Variants in UBA6 observed in about 807,000 individuals in gnomAD.
UBA6 encodes the protein ubiquitin-like modifier-activating enzyme 6.
A neutral mutation model predicts 148.3 loss-of-function variants in UBA6; 87 were observed. That is an observed-to-expected ratio of 0.59 (90% CI 0.49 to 0.70). UBA6 has a LOEUF of 0.70. UBA6 is among the 30% of genes least tolerant of loss of function. UBA6 has a pLI of 0.00. For missense variants in UBA6, 1,186 were observed against 1,241.2 expected, an observed-to-expected ratio of 0.96 and a Z score of 0.67; for synonymous variants, 376 against 401.0, an observed-to-expected ratio of 0.94 and a Z score of 0.75.
intron 32 of UBA6, among the ~76,000 whole-genome samples, chr4:67,621,237 A>C (rs1305396912): frequency 2.0e-5 from 3 of 152,242 alleles, no homozygotes; most frequent in African/African-American, 7.2e-5. Context: ...TTAGCTAATA[A>C]AATAGTAGTT....
chr4:67,650,152 G>A (rs532830721), intron 13 of UBA6, among the ~76,000 whole-genome samples: 1 of 152,210 alleles, frequency 6.6e-6, no homozygotes, highest in African/African-American at 2.4e-5. Flanking sequence ...TGTTGGTGGT[G>A]ATAATATTAA....
intron 2 of UBA6, among the ~76,000 whole-genome samples, chr4:67,687,229 T>G (rs1010259621): frequency 2.6e-5 from 4 of 151,626 alleles, no homozygotes; most frequent in Non-Finnish European, 5.9e-5. Flanking sequence ...AGAGAGGGGG[T>G]TTCACCATGT....
At chr4:67,646,458 A>G (rs1413590949) in intron 15 of UBA6, among the ~76,000 whole-genome samples, 2 of 152,204 alleles carry the variant, frequency 1.3e-5, no homozygotes, top group Non-Finnish European at 2.9e-5. Context: ...AAGACTGCAG[A>G]TAGCAGTTTT....
intron 25 of UBA6, among the ~76,000 whole-genome samples, chr4:67,631,022 C>T (rs1046718717): frequency 6.6e-6 from 1 of 152,120 alleles, no homozygotes; most frequent in African/African-American, 2.4e-5. Context: ...ATAGAGTTAT[C>T]TGCTGAAAGG....
chr4:67,688,372 G>A (rs932501540), intron 2 of UBA6, among the ~76,000 whole-genome samples: 1 of 152,154 alleles, frequency 6.6e-6, no homozygotes, highest in African/African-American at 2.4e-5. Flanking sequence ...CAGAGAAAAA[G>A]AAAGAAATGG....
Position 67,619,112 on chromosome 4 carries a change from G to T in UBA6, c.3044C>A (p.Pro1015His), listed in dbSNP as rs374262583. Reference sequence around the variant, plus strand: ...ATCCACATATTTCTTTTCAGTAGTAGGTTTTACAAGTTTATGCATTCTAAG... The same window carrying T: ...ATCCACATATTTCTTTTCAGTAGTATGTTTTACAAGTTTATGCATTCTAAG... ...LKLTMHKLVK[P>H]TTEKKYVDLT... The change falls in exon 33 of 33, where the codon CCT becomes CAT. Residue 1015 changes from proline (P) to histidine (H), a missense_variant. Coordinates refer to ENST00000322244, the MANE Select transcript of UBA6 (RefSeq NM_018227.6). The T allele has an allele frequency of 1.1e-5, 17 of 1,605,852 alleles. No individual in the cohort carries two copies. In the African/African-American group the frequency reaches 1.9e-4, roughly 18 times the overall value.
intron 13 of UBA6, among the ~76,000 whole-genome samples, chr4:67,654,283 G>C (rs141616064): frequency 5.3e-5 from 8 of 152,314 alleles, no homozygotes; most frequent in Non-Finnish European, 8.8e-5. Context: ...AAGGCAGCCA[G>C]AGAGAGAGAT....
At chr4:67,686,303 T>C (rs1457222316) in intron 2 of UBA6, among the ~76,000 whole-genome samples, 3 of 152,194 alleles carry the variant, frequency 2.0e-5, no homozygotes, top group African/African-American at 7.2e-5. Context: ...GTTTTCTTTC[T>C]CTAAGCTAAA....
intron 18 of UBA6, among the ~76,000 whole-genome samples, 164 bp downstream of exon 18, chr4:67,640,987 C>T (rs1729293112): frequency 6.6e-6 from 1 of 152,106 alleles, no homozygotes; most frequent in South Asian, 2.1e-4. Flanking sequence ...CAATATTGTG[C>T]ATTAAATAAT....
chr4:67,682,792 G>A lies in UBA6; in HGVS notation c.135-579C>T, dbSNP rs1223164829. ...GTCAATTGTAAGTGTTTATCTGAAA[G>A]AACAATGAGAAACTTGATGCTATCT... On this transcript the variant is annotated intron_variant, in intron 2 of 32. Transcript: ENST00000322244. Among the ~76,000 whole-genome samples, 21 of 152,096 alleles carry A rather than the reference G, an allele frequency of 1.4e-4. 1 individual carries two copies. The highest frequency in any genetic ancestry group is 1.4e-3 in the Admixed American group (21 of 15,268).
chr4:67,687,097 G>A (rs1730590239), intron 2 of UBA6, among the ~76,000 whole-genome samples: 2 of 141,314 alleles, frequency 1.4e-5, no homozygotes, highest in African/African-American at 5.3e-5. Context: ...CTGCAGTGGT[G>A]CGATCTTGGC....
At position 67,663,188 on chromosome 4, in the gene UBA6, G is replaced by C; in HGVS notation, c.988C>G (p.Leu330Val). 6.2e-7 allele frequency: 1 copy of C among 1,611,524 alleles called. No homozygotes were observed. The highest frequency in any genetic ancestry group is 8.5e-7 in the Non-Finnish European group (1 of 1,179,052). ...EAPLEIHTAMLALDQFQEKYS... is the reference protein window; with the variant it reads ...EAPLEIHTAMVALDQFQEKYS... ...TTCTCCTGAAACTGGTCCAAGGCAA[G>C]CATAGCTGTGTGAATCTCTAAAGGT... Residue 330 changes from leucine to valine, a missense_variant, in exon 12 of 33, where the codon CTT becomes GTT. Physicochemically the swap from Leu to Val is conservative, Grantham distance 32 (BLOSUM62 1). Transcript: ENST00000322244.
rs371235225 is a variant in UBA6 at position 67,633,333 on chromosome 4, A to G, written c.2142+12T>C. On this transcript the variant is annotated intron_variant, in intron 23 of 32. Coordinates refer to ENST00000322244, the MANE Select transcript of UBA6 (RefSeq NM_018227.6). ...TCAGACCTTTTCTTAATGTCTCACAATGCATACTTACCTTATGGTTAAAAT... is the reference window on the plus strand; with the variant it reads ...TCAGACCTTTTCTTAATGTCTCACAGTGCATACTTACCTTATGGTTAAAAT... 115 of 1,576,566 alleles carry G rather than the reference A, an allele frequency of 7.3e-5. No individual in the cohort carries two copies. Among genetic ancestry groups the G allele is most frequent in the East Asian group, 6.5e-4 (29 of 44,412 alleles).
At chr4:67,639,537 G>A (rs192426792) in intron 18 of UBA6, among the ~76,000 whole-genome samples, 1 of 152,200 alleles carries the variant, frequency 6.6e-6, no homozygotes, top group Admixed American at 6.5e-5. Context: ...AGAGGTATGC[G>A]AGTTGAATAC....
At chr4:67,625,344 AGGCCACAAAAACAG>A in intron 28 of UBA6, among the ~76,000 whole-genome samples, 157 bp from the exon 29 acceptor site, 1 of 151,966 alleles carries the variant, frequency 6.6e-6, no homozygotes, top group South Asian at 2.1e-4. Flanking sequence ...ATGTTATTGA[AGGCCACAAAAACAG>A]CTTTTCCCAT....
In UBA6 at chr4:67,696,721, C is replaced by A. The variant is rs1348534617; in HGVS notation, c.72-14G>T. On this transcript the variant is annotated splice_polypyrimidine_tract_variant and intron_variant, in intron 1 of 32. Transcript: ENST00000322244. The stretch of plus-strand genomic sequence containing the variant: ...TTTTTATTTGTGCTGGAAAAAAAAA[C>A]ATGGTTATTAAATATTCACATTTTA... The A allele has an allele frequency of 1.9e-6, 3 of 1,580,838 alleles. No homozygotes were observed. The highest frequency in any genetic ancestry group is 1.7e-5 in the Admixed American group (1 of 58,338).
intron 6 of UBA6, 29 bp from the exon 7 acceptor site, chr4:67,673,806 A>G (rs1468816337): frequency 4.0e-6 from 6 of 1,486,912 alleles, no homozygotes; most frequent in African/African-American, 2.8e-5. Flanking sequence ...ATTAAAAACT[A>G]GAAAATACAT....
intron 1 of UBA6, 44 bp downstream of exon 1, chr4:67,701,005 G>T: frequency 6.2e-7 from 1 of 1,607,220 alleles, no homozygotes; most frequent in Non-Finnish European, 8.5e-7. Context: ...CGGAGCCTGG[G>T]TCCCACCCGC....
intron 13 of UBA6, among the ~76,000 whole-genome samples, chr4:67,657,012 C>T (rs924914700): frequency 1.3e-5 from 2 of 152,206 alleles, no homozygotes; most frequent in African/African-American, 4.8e-5. Flanking sequence ...GTACAACCCA[C>T]TGCTCAACGA....
Sources: gnomAD v4.1 joint callset for allele counts (sites outside exome capture counted in the v4.1 genomes callset) on GRCh38, gnomAD v4.1.1 for gene constraint, MANE v1.5 for transcripts, NCBI Gene and HGNC (gene_info 2026-07-23, HGNC 2026-07-21) for gene names.